MAGI1: variants seen among roughly 807,000 people sequenced by gnomAD.
MAGI1 encodes membrane associated guanylate kinase, WW and PDZ domain containing 1.
MAGI1 carries 58 observed loss-of-function variants against 139.9 expected under a neutral mutation model. The observed-to-expected ratio is 0.41, with a 90% CI of 0.34 to 0.52. MAGI1 has a LOEUF of 0.52. Among genes scored for constraint, MAGI1 ranks in the 20% least tolerant of loss-of-function variants. The pLI, the probability that MAGI1 is intolerant of heterozygous loss-of-function variation, is 0.12. For synonymous variants in MAGI1, 812 were observed against 737.9 expected (o/e 1.10, Z -1.63); for missense variants, 1,874 against 1,901.6 (o/e 0.99, Z 0.27).
intron 2 of MAGI1, among the ~76,000 whole-genome samples, chr3:65,567,672 C>T (rs2080735088): frequency 6.6e-6 from 1 of 151,974 alleles, no homozygotes; most frequent in East Asian, 1.9e-4. Flanking sequence ...CCCACCTCTA[C>T]TAAAAATACA....
chr3:65,439,456 C>T (rs1001414414), intron 9 of MAGI1, among the ~76,000 whole-genome samples: 1 of 152,022 alleles, frequency 6.6e-6, no homozygotes, highest in African/African-American at 2.4e-5. Flanking sequence ...TAAAAGCACC[C>T]AAAACTACCA....
At chr3:65,681,877 T>A (rs1212696607) in intron 1 of MAGI1, among the ~76,000 whole-genome samples, 1 of 152,154 alleles carries the variant, frequency 6.6e-6, no homozygotes, top group Non-Finnish European at 1.5e-5. Flanking sequence ...TGTTTTTTTA[T>A]TAATTAAAAG....
At chr3:65,865,005 T>C (rs891076875) in intron 1 of MAGI1, among the ~76,000 whole-genome samples, 2 of 152,054 alleles carry the variant, frequency 1.3e-5, no homozygotes, top group East Asian at 1.9e-4. Context: ...CCTACGTACA[T>C]ACAGAGAGGG....
At chr3:65,688,541 CTG>C in intron 1 of MAGI1, 1 of 400,606 alleles carries the variant, frequency 2.5e-6, no homozygotes, top group Non-Finnish European at 4.9e-6. Context: ...GTAGGTGCTA[CTG>C]TGCTTTATAT....
chr3:65,610,990 TA>T (rs1490669425), intron 2 of MAGI1, among the ~76,000 whole-genome samples: 4 of 130,088 alleles, frequency 3.1e-5, no homozygotes, highest in Non-Finnish European at 6.3e-5. Context: ...GTAGATAGTA[TA>T]TATACTATAT....
At chr3:65,502,108 C>G (rs2077104926) in intron 2 of MAGI1, among the ~76,000 whole-genome samples, 1 of 152,134 alleles carries the variant, frequency 6.6e-6, no homozygotes, top group African/African-American at 2.4e-5. Context: ...CACGACTGTG[C>G]TTTGGTCAAA....
At chr3:65,764,343 A>T (rs1163732786) in intron 1 of MAGI1, among the ~76,000 whole-genome samples, 2 of 152,024 alleles carry the variant, frequency 1.3e-5, no homozygotes, top group Non-Finnish European at 2.9e-5. Flanking sequence ...TTCATTCTCT[A>T]TGCTTCTCCC....
intron 1 of MAGI1, among the ~76,000 whole-genome samples, chr3:66,021,551 A>G (rs2107552355): frequency 6.6e-6 from 1 of 152,320 alleles, no homozygotes; most frequent in Middle Eastern, 3.4e-3. Context: ...CACTTGTTAG[A>G]TAACTGGAAG....
At chr3:65,783,991 C>T (rs2039166031) in intron 1 of MAGI1, among the ~76,000 whole-genome samples, 1 of 151,938 alleles carries the variant, frequency 6.6e-6, no homozygotes, top group Non-Finnish European at 1.5e-5. Context: ...AGCATCGTGG[C>T]AGGCACCTGT....
intron 3 of MAGI1, among the ~76,000 whole-genome samples, chr3:65,490,370 G>A (rs1039360917): frequency 5.3e-5 from 8 of 152,280 alleles, no homozygotes; most frequent in East Asian, 3.9e-4. Flanking sequence ...GCTTGTTAGT[G>A]TCCACCAATA....
chr3:66,002,663 C>T (rs962315618), intron 1 of MAGI1, among the ~76,000 whole-genome samples: 3 of 152,006 alleles, frequency 2.0e-5, no homozygotes, highest in African/African-American at 4.8e-5. Flanking sequence ...CACAGGCACC[C>T]GCCACCACAC....
At chr3:65,951,039 AGGAG>A (rs71633198) in intron 1 of MAGI1, among the ~76,000 whole-genome samples, 4 of 83,676 alleles carry the variant, frequency 4.8e-5, no homozygotes, top group African/African-American at 1.2e-4. Flanking sequence ...AAGGAAGGAA[AGGAG>A]GGAGGGAGGG....
chr3:65,548,509 C>CTTTTTTTTTTTTTTTTTTT lies in MAGI1; in HGVS notation c.431-54879_431-54878insAAAAAAAAAAAAAAAAAAA, dbSNP rs1306099660. 3.4e-5 allele frequency among the ~76,000 whole-genome samples: 4 copies of CTTTTTTTTTTTTTTTTTTT among 117,368 alleles called. 1 individual carries two copies. The highest frequency in any genetic ancestry group is 5.0e-5 in the Non-Finnish European group (3 of 59,938). The allele number at this position is 117,368 out of a possible 152,430, so 77.0% of individuals were successfully genotyped here. Reference sequence around the variant, plus strand: ...TGAGCCCAGCTTTATGCAAACAACACTCTTTTTTTTTTTTTTTTTTTTTTT... The same window carrying CTTTTTTTTTTTTTTTTTTT: ...TGAGCCCAGCTTTATGCAAACAACACTTTTTTTTTTTTTTTTTTTTCTTTTTTTTTTTTTTTTTTTTTTT... On this transcript the variant is annotated intron_variant, in intron 2 of 22. Transcript: ENST00000402939.
intron 5 of MAGI1, among the ~76,000 whole-genome samples, chr3:65,460,576 A>C (rs975787370): frequency 6.6e-6 from 1 of 152,088 alleles, no homozygotes; most frequent in African/African-American, 2.4e-5. Context: ...ACTTAAGTTC[A>C]GGGATACATG....
intron 1 of MAGI1, among the ~76,000 whole-genome samples, chr3:65,984,497 T>C (rs1282465912): frequency 6.9e-6 from 1 of 145,030 alleles, no homozygotes; most frequent in Non-Finnish European, 1.5e-5. Context: ...TTTAATATAA[T>C]ATTTTCAAAA....
At chr3:65,363,439 T>C (rs765901069) in intron 21 of MAGI1, 26 bp downstream of exon 21, 10 of 1,579,678 alleles carry the variant, frequency 6.3e-6, no homozygotes, top group Non-Finnish European at 8.6e-6. Flanking sequence ...TCTTTGCACC[T>C]ACCCCAGACT....
intron 1 of MAGI1, among the ~76,000 whole-genome samples, chr3:65,675,193 T>C (rs2087111769): frequency 6.6e-6 from 1 of 152,196 alleles, no homozygotes; most frequent in Non-Finnish European, 1.5e-5. Flanking sequence ...AATTATGATA[T>C]TCATTTACGT....
chr3:65,472,248 C>T (rs767497526), intron 4 of MAGI1, among the ~76,000 whole-genome samples: 2 of 152,110 alleles, frequency 1.3e-5, no homozygotes, highest in Non-Finnish European at 2.9e-5. Context: ...CTTTAATTCT[C>T]TAGAAGCCAA....
At chr3:65,898,125 T>A (rs72905042) in intron 1 of MAGI1, among the ~76,000 whole-genome samples, 156 of 152,308 alleles carry the variant, frequency 1.0e-3, no homozygotes, top group African/African-American at 3.7e-3. Flanking sequence ...GCCAGAGAGT[T>A]TGATATACGA....
Sources: gnomAD v4.1 joint callset for allele counts (sites outside exome capture counted in the v4.1 genomes callset) on GRCh38, gnomAD v4.1.1 for gene constraint, MANE v1.5 for transcripts, NCBI Gene and HGNC (gene_info 2026-07-23, HGNC 2026-07-21) for gene names.